CXorf38: variants seen among roughly 807,000 people sequenced by gnomAD.
The protein encoded by CXorf38 is uncharacterized protein CXorf38.
A neutral mutation model predicts 27.5 loss-of-function variants in CXorf38; 13 were observed. The ratio of observed to expected loss-of-function variants is 0.47; its 90% CI spans 0.31 to 0.75. CXorf38 has a LOEUF of 0.75. Among genes scored for constraint, CXorf38 ranks in the 30% least tolerant of loss-of-function variants. The pLI is 0.05. For missense variants in CXorf38, 240 were observed against 253.2 expected, an observed-to-expected ratio of 0.95 and a Z score of 0.35; for synonymous variants, 100 against 99.8, an observed-to-expected ratio of 1.00 and a Z score of -0.01.
At chrX:40,634,708 G>A (rs1927985943) in intron 5 of CXorf38, among the ~76,000 whole-genome samples, 1 of 111,918 alleles carries the variant, frequency 8.9e-6, no homozygotes, top group Non-Finnish European at 1.9e-5. Context: ...ACTTTCTGAA[G>A]ACGTCAAATT....
At chrX:40,635,845 C>T (rs1285192030) in intron 5 of CXorf38, among the ~76,000 whole-genome samples, 4 of 112,283 alleles carry the variant, frequency 3.6e-5, no homozygotes, top group African/African-American at 9.7e-5. Flanking sequence ...TTTCTGTTCT[C>T]TCTCACCTTC....
intron 5 of CXorf38, among the ~76,000 whole-genome samples, chrX:40,632,668 A>G (rs1471626927): frequency 9.0e-6 from 1 of 111,587 alleles, no homozygotes; most frequent in African/African-American, 3.3e-5. Context: ...GTAGAGATGG[A>G]AAAACTGAAA....
chrX:40,645,935 T>TGAGA (rs1569273385), intron 2 of CXorf38, among the ~76,000 whole-genome samples: 1 of 8,660 alleles, frequency 1.2e-4, no homozygotes. Context: ...CTTTCATTTT[T>TGAGA]TTTTTTTTTT....
intron 5 of CXorf38, among the ~76,000 whole-genome samples, chrX:40,633,002 A>C (rs1927896035): frequency 8.9e-6 from 1 of 111,792 alleles, no homozygotes; most frequent in African/African-American, 3.3e-5. Flanking sequence ...TCACTCTTCC[A>C]GTCACCTAAG....
chrX:40,642,586 C>T lies in CXorf38; in HGVS notation c.352-3458G>A, dbSNP rs1283388510. 5.4e-5 allele frequency among the ~76,000 whole-genome samples: 6 copies of T among 111,409 alleles called. No homozygotes were observed. The East Asian group carries it at 1.4e-3, about 26-fold the overall frequency. On this transcript the variant is annotated intron_variant, in intron 2 of 6. Coordinates refer to ENST00000327877, the MANE Select transcript of CXorf38 (RefSeq NM_144970.3). ...AAATGGCTCTGGGAGGTAAGAGAGA[C>T]GAGGTCACAGATGCAGTGGAGTGGC...
In CXorf38 at chrX:40,628,545, G is replaced by C. The variant is rs1218555492; in HGVS notation, c.*1619C>G. The C allele has an allele frequency of 8.9e-6, 1 of 112,274 alleles. No homozygotes were observed. Among genetic ancestry groups the C allele is most frequent in the Non-Finnish European group, 1.9e-5 (1 of 53,291 alleles). The allele number at this position is 112,274 out of a possible 1,213,427, so 9.3% of individuals were successfully genotyped here. A position where few individuals can be genotyped will look rare whatever the true frequency, so the allele number is the denominator to read the frequency against. On this transcript the variant is annotated 3_prime_UTR_variant, in exon 7 of 7. Coordinates refer to ENST00000327877, the MANE Select transcript of CXorf38 (RefSeq NM_144970.3). ...ATGGGGCAGTCATTGCGCAGTTTGGGAAACCAGCAGGAGGAACTCAGGAGT... is the reference window on the plus strand; with the variant it reads ...ATGGGGCAGTCATTGCGCAGTTTGGCAAACCAGCAGGAGGAACTCAGGAGT...
intron 3 of CXorf38, among the ~76,000 whole-genome samples, 160 bp downstream of exon 3, chrX:40,638,849 C>T (rs1016633465): frequency 9.0e-6 from 1 of 111,721 alleles, no homozygotes; most frequent in Non-Finnish European, 1.9e-5. Context: ...ATGCCAACTT[C>T]GAACCCAAGT....
At position 40,637,149 on chromosome X, in the gene CXorf38, T is replaced by C; in HGVS notation, c.479A>G (p.Lys160Arg). Residue 160 changes from lysine to arginine, a missense_variant, in exon 4 of 7, where the codon AAA becomes AGA. Lys to Arg is a conservative substitution (Grantham distance 26). Coordinates refer to ENST00000327877, the MANE Select transcript of CXorf38 (RefSeq NM_144970.3). Reference protein sequence around the residue: ...VDRKKVTEVIKCRNEIMHSSE... With the variant: ...VDRKKVTEVIRCRNEIMHSSE... ...AGAGTGCATGATCTCATTACGACAT[T>C]TAATTACCTGCAGAAAGACAAAAAG... is the stretch of plus-strand genomic sequence containing the variant. The C allele has an allele frequency of 1.7e-6, 2 of 1,160,504 alleles. No individual in the cohort carries two copies. The highest frequency in any genetic ancestry group is 2.3e-6 in the Non-Finnish European group (2 of 866,853).
rs146808310 is a variant in CXorf38, at chrX:40,637,008, T to C, written c.620A>G (p.Gln207Arg). The C allele has an allele frequency of 1.9e-5, 22 of 1,180,989 alleles. No individual in the cohort carries two copies. Among genetic ancestry groups the C allele is most frequent in the Non-Finnish European group, 4.5e-6 (4 of 880,737 alleles). Reference protein sequence around the residue: ...EIVAVYSRIEQLLTSDWAVHI... With the variant: ...EIVAVYSRIERLLTSDWAVHI... ...AGAACTATTAAACATGATTTTTACCTGTTCTATTCTGGAGTATACTGCCAC... is the reference window on the plus strand; with the variant it reads ...AGAACTATTAAACATGATTTTTACCCGTTCTATTCTGGAGTATACTGCCAC... The change falls in exon 4 of 7, where the codon CAG becomes CGG. Residue 207 changes from glutamine (Q) to arginine (R), a missense_variant and splice_region_variant. Physicochemically the swap from Gln to Arg is conservative, Grantham distance 43 (BLOSUM62 1). Transcript: ENST00000327877.
intron 2 of CXorf38, among the ~76,000 whole-genome samples, chrX:40,642,865 G>A (rs1384454036): frequency 2.7e-5 from 3 of 109,370 alleles, no homozygotes; most frequent in Non-Finnish European, 3.8e-5. Flanking sequence ...TTGACCTGCC[G>A]GGCTCAAGCA....
Position 40,636,705 on chromosome X carries a change from G to A in CXorf38, c.629C>T (p.Thr210Met), listed in dbSNP as rs34678039. 14,555 of 1,194,997 alleles carry A rather than the reference G, an allele frequency of 0.012. 97 individuals carry two copies. The highest frequency in any genetic ancestry group is 0.013 in the South Asian group (688 of 54,907). The change falls in exon 5 of 7, where the codon ACG (threonine) becomes ATG (methionine). Residue 210 changes from threonine to methionine, a missense_variant. Transcript: ENST00000327877. ...GGGGATGTGAACAGCCCAGTCAGAC[G>A]TCAACAGCTGAGGGATTGCCACACA... The part of the protein sequence containing the change: ...AVYSRIEQLL[T>M]SDWAVHIPEE...
intron 2 of CXorf38, among the ~76,000 whole-genome samples, chrX:40,645,365 G>A: frequency 9.0e-6 from 1 of 111,537 alleles, no homozygotes; most frequent in Admixed American, 9.5e-5. Context: ...CAACCAAGAG[G>A]AGCAAAGAGT....
At chrX:40,635,186 T>C (rs1347660302) in intron 5 of CXorf38, among the ~76,000 whole-genome samples, 1 of 112,965 alleles carries the variant, frequency 8.9e-6, no homozygotes, top group Non-Finnish European at 1.9e-5. Context: ...AATGGCATTA[T>C]AAAATAAAGA....
intron 5 of CXorf38, among the ~76,000 whole-genome samples, chrX:40,633,691 C>T (rs965150409): frequency 8.9e-6 from 1 of 112,081 alleles, no homozygotes; most frequent in Non-Finnish European, 1.9e-5. Context: ...TACACACTGT[C>T]ATCGTCCCTT....
intron 3 of CXorf38, among the ~76,000 whole-genome samples, chrX:40,638,156 G>T (rs185641486): frequency 8.9e-6 from 1 of 112,091 alleles, no homozygotes; most frequent in East Asian, 2.8e-4. Flanking sequence ...ATGATGAAAA[G>T]AAAATAAACT....
chrX:40,634,878 A>G (rs1927994212), intron 5 of CXorf38, among the ~76,000 whole-genome samples: 2 of 112,424 alleles, frequency 1.8e-5, no homozygotes, highest in South Asian at 7.4e-4. Flanking sequence ...CTCCACCCAG[A>G]AGACAAGCCA....
chrX:40,632,851 A>C (rs1927887669), intron 5 of CXorf38, among the ~76,000 whole-genome samples: 1 of 111,969 alleles, frequency 8.9e-6, no homozygotes, highest in African/African-American at 3.3e-5. Flanking sequence ...TATGAGGATC[A>C]GAAATAAGCT....
chrX:40,636,333 A>G (rs1928063355), intron 5 of CXorf38, among the ~76,000 whole-genome samples, 200 bp downstream of exon 5: 1 of 112,481 alleles, frequency 8.9e-6, no homozygotes, highest in Admixed American at 9.4e-5. Context: ...AGGCATTCAA[A>G]TGTTTGCTGA....
intron 3 of CXorf38, 30 bp downstream of exon 3, chrX:40,638,978 AG>A: frequency 2.5e-6 from 3 of 1,203,718 alleles, no homozygotes; most frequent in Non-Finnish European, 3.4e-6. Context: ...CAACTGACTC[AG>A]GGTATGCTTT....
Sources: gnomAD v4.1 joint callset for allele counts (sites outside exome capture counted in the v4.1 genomes callset) on GRCh38, gnomAD v4.1.1 for gene constraint, MANE v1.5 for transcripts, NCBI Gene and HGNC (gene_info 2026-07-23, HGNC 2026-07-21) for gene names.